NRXN1: variants seen among roughly 807,000 people sequenced by gnomAD.
NRXN1 encodes the protein neurexin 1.
NRXN1 carries 39 observed loss-of-function variants against 150.9 expected under a neutral mutation model. The ratio of observed to expected loss-of-function variants is 0.26; its 90% CI spans 0.20 to 0.34. The LOEUF (loss-of-function observed/expected upper bound fraction) is 0.34, where lower values mean the gene tolerates loss of function less well. Ranked by LOEUF, NRXN1 falls within the 10% of genes least tolerant of loss-of-function variation. The probability of loss-of-function intolerance (pLI) is 1.00; values close to 1 mark genes in which losing one functional copy is unlikely to be tolerated. For missense variants in NRXN1, 1,815 were observed against 1,949.9 expected (o/e 0.93, Z 1.30); for synonymous variants, 924 against 757.0 (o/e 1.22, Z -3.62).
intron 5 of NRXN1, among the ~76,000 whole-genome samples, chr2:50,850,336 G>C (rs1484275726): frequency 6.6e-6 from 1 of 152,036 alleles, no homozygotes; most frequent in Non-Finnish European, 1.5e-5. Flanking sequence ...AAGGTGCTGA[G>C]TGGCTAGGAA....
chr2:50,347,602 G>T lies in NRXN1; in HGVS notation c.3365-110632C>A. ...TCCCGAGGCAATCTCCGCGTCCGCC[G>T]CCTCCTGACACTTACGCCCGGCGAG... is the stretch of plus-strand genomic sequence containing the variant. On this transcript the variant is annotated intron_variant, in intron 17 of 22. Transcript: ENST00000401669. This position sits in a 1 kb window ranked among gnomAD's most constrained non-coding sequence, Gnocchi z 4.9. The T allele has an allele frequency of 2.3e-5, 23 of 1,011,090 alleles. No homozygotes were observed. The highest frequency in any genetic ancestry group is 2.7e-5 in the Non-Finnish European group (23 of 845,484). 62.6% of individuals were successfully genotyped at this position (1,011,090 alleles called of 1,614,324 possible).
At chr2:50,691,626 C>A (rs1692088995) in intron 5 of NRXN1, among the ~76,000 whole-genome samples, 1 of 152,154 alleles carries the variant, frequency 6.6e-6, no homozygotes, top group Admixed American at 6.5e-5. Flanking sequence ...CAGTGCAGAA[C>A]AATGCTGCAT....
In NRXN1 at chr2:50,275,797, T is replaced by G. The variant is rs2070359618; in HGVS notation, c.3365-38827A>C. Among the ~76,000 whole-genome samples, 3 of 152,136 alleles carry G rather than the reference T, an allele frequency of 2.0e-5. No homozygotes were observed. In the South Asian group the frequency reaches 6.2e-4, roughly 31 times the overall value. On this transcript the variant is annotated intron_variant, in intron 17 of 22. Coordinates refer to ENST00000401669, the MANE Select transcript of NRXN1 (RefSeq NM_001330078.2). ...TCAAATTTAAAAGAAAAGTGCCTAATCTTTGTCTCCTGGATTTTTGGCACG... is the reference window on the plus strand; with the variant it reads ...TCAAATTTAAAAGAAAAGTGCCTAAGCTTTGTCTCCTGGATTTTTGGCACG...
intron 17 of NRXN1, among the ~76,000 whole-genome samples, chr2:50,381,246 C>G (rs1196619890): frequency 2.6e-5 from 4 of 151,930 alleles, no homozygotes; most frequent in Non-Finnish European, 4.4e-5. Flanking sequence ...AAATTGCCTT[C>G]TCTGTGTCAG....
chr2:50,578,722 AT>A (rs1013329963), intron 8 of NRXN1, among the ~76,000 whole-genome samples: 3 of 152,160 alleles, frequency 2.0e-5, no homozygotes, highest in African/African-American at 4.8e-5. Context: ...ATTAAAAAAA[AT>A]GCTAAAGCTT....
chr2:50,309,755 TTA>T (rs2075007026), intron 17 of NRXN1, among the ~76,000 whole-genome samples: 1 of 152,160 alleles, frequency 6.6e-6, no homozygotes, highest in Non-Finnish European at 1.5e-5. Context: ...TAGGAAATAA[TTA>T]TTAATTGCAC....
At chr2:50,802,688 G>T (rs1003428106) in intron 5 of NRXN1, among the ~76,000 whole-genome samples, 2 of 152,042 alleles carry the variant, frequency 1.3e-5, no homozygotes, top group African/African-American at 4.8e-5. Flanking sequence ...TCTTTTTAGA[G>T]GTAAAATCAA....
At chr2:50,690,258 A>G (rs1298320277) in intron 5 of NRXN1, among the ~76,000 whole-genome samples, 3 of 152,204 alleles carry the variant, frequency 2.0e-5, no homozygotes, top group Non-Finnish European at 4.4e-5. Flanking sequence ...TAGGCTGGCC[A>G]ATAATATGTA....
chr2:50,944,343 T>C (rs950526066), intron 2 of NRXN1, among the ~76,000 whole-genome samples: 1 of 152,120 alleles, frequency 6.6e-6, no homozygotes, highest in African/African-American at 2.4e-5. Context: ...CAAACTACTC[T>C]CTAATGTGAC....
At chr2:50,767,157 T>C (rs377614335) in intron 5 of NRXN1, among the ~76,000 whole-genome samples, 2 of 151,990 alleles carry the variant, frequency 1.3e-5, no homozygotes, top group African/African-American at 4.8e-5. Context: ...TCAACTACCA[T>C]ACCCATGGGG....
chr2:50,465,608 A>C, intron 16 of NRXN1, 47 bp from the exon 17 acceptor site: 1 of 1,545,284 alleles, frequency 6.5e-7, no homozygotes. Context: ...AAGAATCCAA[A>C]AGCATTTTAT....
chr2:50,063,582 AC>A (rs1694910092), intron 19 of NRXN1, among the ~76,000 whole-genome samples: 2 of 150,980 alleles, frequency 1.3e-5, no homozygotes, highest in Admixed American at 6.6e-5. Context: ...ACACACACAC[AC>A]ACACATCTAA....
At chr2:50,788,889 A>G (rs149558351) in intron 5 of NRXN1, among the ~76,000 whole-genome samples, 1 of 152,324 alleles carries the variant, frequency 6.6e-6, no homozygotes, top group East Asian at 1.9e-4. Flanking sequence ...GCATTGAGTG[A>G]TCATGGAAGG....
At chr2:50,341,097 A>G (rs2077519917) in intron 17 of NRXN1, among the ~76,000 whole-genome samples, 1 of 152,208 alleles carries the variant, frequency 6.6e-6, no homozygotes, top group Non-Finnish European at 1.5e-5. Context: ...AGAGTATTCC[A>G]TAGGAGGAGG....
intron 18 of NRXN1, among the ~76,000 whole-genome samples, chr2:50,115,678 A>G (rs546337922): frequency 6.6e-6 from 1 of 152,148 alleles, no homozygotes; most frequent in African/African-American, 2.4e-5. Flanking sequence ...GTTGGACAAA[A>G]GCAACAGAAA....
intron 5 of NRXN1, among the ~76,000 whole-genome samples, chr2:50,727,096 TA>T (rs919003493): frequency 6.9e-6 from 1 of 143,972 alleles, no homozygotes; most frequent in Non-Finnish European, 1.6e-5. Context: ...GGAACCTTTA[TA>T]AAAAAAGGTC....
intron 18 of NRXN1, among the ~76,000 whole-genome samples, chr2:50,159,845 C>T (rs7570650): frequency 0.82 from 125,345 of 152,096 alleles, 51,875 homozygotes; most frequent in African/African-American, 0.89. Context: ...ATACTGGAGA[C>T]AATTCCAAAA....
At chr2:51,026,971 C>A (rs1453771637) in intron 2 of NRXN1, among the ~76,000 whole-genome samples, 4 of 152,172 alleles carry the variant, frequency 2.6e-5, no homozygotes, top group Non-Finnish European at 4.4e-5. Flanking sequence ...GCCCGTGAAC[C>A]CTGTCTTTCT....
At chr2:49,956,310 T>G (rs1169198538) in intron 21 of NRXN1, among the ~76,000 whole-genome samples, 1 of 152,188 alleles carries the variant, frequency 6.6e-6, no homozygotes, top group Non-Finnish European at 1.5e-5. Context: ...AGATGTTCTA[T>G]GTTCTCTGAT....
Sources: gnomAD v4.1 joint callset for allele counts (sites outside exome capture counted in the v4.1 genomes callset) on GRCh38, gnomAD v4.1.1 for gene constraint, Gnocchi (gnomAD v3.1) non-coding constraint, MANE v1.5 for transcripts, NCBI Gene and HGNC (gene_info 2026-07-23, HGNC 2026-07-21) for gene names.